HERC2: variants seen among roughly 807,000 people sequenced by gnomAD.
HERC2 encodes E3 ubiquitin-protein ligase HERC2.
Under a neutral mutation model 537.7 loss-of-function variants are expected in HERC2, and 102 were observed. The ratio of observed to expected loss-of-function variants is 0.19; its 90% CI spans 0.16 to 0.22. The LOEUF (loss-of-function observed/expected upper bound fraction) is 0.22, where lower values mean the gene tolerates loss of function less well. Among genes scored for constraint, HERC2 ranks in the 10% least tolerant of loss-of-function variants. The pLI is 1.00. For synonymous variants in HERC2, 2,224 were observed against 2,466.2 expected, an observed-to-expected ratio of 0.90 and a Z score of 2.91; for missense variants, 4,236 against 6,198.2, an observed-to-expected ratio of 0.68 and a Z score of 10.63.
At chr15:28,189,899 T>C (rs1334258471) in intron 55 of HERC2, among the ~76,000 whole-genome samples, 2 of 152,218 alleles carry the variant, frequency 1.3e-5, no homozygotes, top group Non-Finnish European at 2.9e-5. Context: ...GTTATAAACT[T>C]TAAATGAATA....
chr15:28,214,141 T>G lies in HERC2; in HGVS notation c.6490A>C (p.Asn2164His). 6.2e-7 allele frequency: 1 copy of G among 1,614,084 alleles called. No individual in the cohort carries two copies. Among genetic ancestry groups the G allele is most frequent in the South Asian group, 1.1e-5 (1 of 91,070 alleles). The change falls in exon 41 of 93, where the codon AAC (asparagine) becomes CAC (histidine). Residue 2164 changes from asparagine to histidine, a missense_variant. This residue lies in a region of HERC2 where 365 missense variants were observed against 468.8 expected (regional missense o/e 0.78). Coordinates refer to ENST00000261609, the MANE Select transcript of HERC2 (RefSeq NM_004667.6). ...HSLTQWNGLINKYINSQLRSI... is the reference protein window; with the variant it reads ...HSLTQWNGLIHKYINSQLRSI... ...CGGAGCTGGGAGTTGATGTACTTGT[T>G]GATGAGCCCATTCCACTGAGTCAGG...
chr15:28,319,845 C>A (rs1253237758), intron 2 of HERC2, among the ~76,000 whole-genome samples: 2 of 152,128 alleles, frequency 1.3e-5, no homozygotes, highest in African/African-American at 4.8e-5. Flanking sequence ...ACGTAAAGTC[C>A]TTTACTCCAA....
chr15:28,209,628 C>A (rs1444867243), intron 44 of HERC2, among the ~76,000 whole-genome samples: 3 of 152,206 alleles, frequency 2.0e-5, no homozygotes, highest in Admixed American at 2.0e-4. Context: ...CAGGCATGAG[C>A]CACCGCGCCA....
chr15:28,209,045 T>A (rs1898813598), intron 44 of HERC2, among the ~76,000 whole-genome samples: 1 of 152,110 alleles, frequency 6.6e-6, no homozygotes, highest in Non-Finnish European at 1.5e-5. Context: ...TATAGAGAAA[T>A]ATAAAGAAAT....
intron 1 of HERC2, 55 bp downstream of exon 1, chr15:28,322,020 G>T (rs1010495442): frequency 4.4e-5 from 4 of 89,954 alleles, no homozygotes; most frequent in African/African-American, 1.7e-4. Context: ...CCGCCCGCCA[G>T]CCCCGCGCCC....
intron 69 of HERC2, among the ~76,000 whole-genome samples, chr15:28,158,382 T>C (rs979124256): frequency 1.3e-5 from 2 of 152,222 alleles, no homozygotes; most frequent in African/African-American, 4.8e-5. Context: ...AGTCTCTTTG[T>C]GGGTCTCTAA....
intron 69 of HERC2, among the ~76,000 whole-genome samples, chr15:28,156,539 T>C (rs1040691369): frequency 6.6e-6 from 1 of 152,222 alleles, no homozygotes; most frequent in African/African-American, 2.4e-5. Context: ...ATTTCACTCA[T>C]TATTTTGCTG....
rs1566973701 is a variant in HERC2, at chr15:28,176,801, G to GC, written c.9433-34dup. 1 of 1,600,198 alleles carries GC rather than the reference G, an allele frequency of 6.2e-7. No homozygotes were observed. The highest frequency in any genetic ancestry group is 1.7e-5 in the Admixed American group (1 of 59,978). On this transcript the variant is annotated intron_variant, in intron 61 of 92. Coordinates refer to ENST00000261609, the MANE Select transcript of HERC2 (RefSeq NM_004667.6). This position sits in a 1 kb window ranked among gnomAD's most constrained non-coding sequence, Gnocchi z 5.0. ...ATTACAAATTTAAAAACAGAATCAC[G>GC]CACAGGCACGGAGAAAGCAATGGAT...
At chr15:28,239,316 G>T (rs1476897144) in intron 23 of HERC2, among the ~76,000 whole-genome samples, 9 of 151,990 alleles carry the variant, frequency 5.9e-5, no homozygotes, top group Admixed American at 3.3e-4. Flanking sequence ...AGCTAAAAAA[G>T]AAAAACACCA....
At chr15:28,279,652 A>ACACACACACACACACACAC (rs1174428481) in intron 5 of HERC2, among the ~76,000 whole-genome samples, 1 of 114,604 alleles carries the variant, frequency 8.7e-6, no homozygotes, top group African/African-American at 5.2e-5. Context: ...CACACACACA[A>ACACACACACACACACACAC]ATTGTTTTTA....
At position 28,181,441 on chromosome 15, in the gene HERC2, A is replaced by G. The variant is rs1895807961; in HGVS notation, c.8937+960T>C. On this transcript the variant is annotated intron_variant, in intron 57 of 92. Transcript: ENST00000261609. The stretch of plus-strand genomic sequence containing the variant: ...AAATGCAATTCAAGACTGCTCCAAT[A>G]CAGATAAAAACTAATTGCACCTTGA... 2.0e-5 allele frequency among the ~76,000 whole-genome samples: 3 copies of G among 152,238 alleles called. No individual in the cohort carries two copies. In the South Asian group the frequency reaches 6.2e-4, roughly 31 times the overall value.
chr15:28,130,389 A>G (rs1889982230), intron 82 of HERC2, 87 bp from the exon 83 acceptor site: 1 of 1,598,814 alleles, frequency 6.3e-7, no homozygotes, highest in African/African-American at 1.3e-5. Flanking sequence ...TCTGCTGTTC[A>G]GGACACAACC....
At chr15:28,274,486 CCTCA>C (rs1471586490) in intron 6 of HERC2, 39 bp from the exon 7 acceptor site, 1 of 1,557,466 alleles carries the variant, frequency 6.4e-7, no homozygotes, top group Non-Finnish European at 8.7e-7. Flanking sequence ...CCCCCACTCC[CCTCA>C]CTCTCCCGCT....
At chr15:28,233,366 A>C (rs755391868) in intron 29 of HERC2, 25 bp from the exon 30 acceptor site, 1 of 1,291,068 alleles carries the variant, frequency 7.7e-7, no homozygotes, top group Non-Finnish European at 1.1e-6. Flanking sequence ...AGGAAAAGAC[A>C]ACTTTAACAA....
rs140701444 is a variant in HERC2 at position 28,143,471 on chromosome 15, G to A, written c.11418+402C>T. Among the ~76,000 whole-genome samples, 595 of 151,780 alleles carry A rather than the reference G, an allele frequency of 3.9e-3. 6 individuals are homozygous for A. Among genetic ancestry groups the A allele is most frequent in the African/African-American group, 0.014 (565 of 41,384 alleles). On this transcript the variant is annotated intron_variant, in intron 74 of 92. Coordinates refer to ENST00000261609, the MANE Select transcript of HERC2 (RefSeq NM_004667.6). ...TTCATTTATTTATTTTTTTTGAGAT[G>A]GAGTCTCGCTCTGTCACCAGGCTGG... is the stretch of plus-strand genomic sequence containing the variant.
intron 20 of HERC2, among the ~76,000 whole-genome samples, chr15:28,250,308 C>T (rs144205240): frequency 0.021 from 3,175 of 152,162 alleles, 116 homozygotes; most frequent in African/African-American, 0.071. Flanking sequence ...AGGATGCGCC[C>T]TCACTGGGCT....
At chr15:28,312,837 T>C (rs2076983500) in intron 2 of HERC2, 11 of 844,926 alleles carry the variant, frequency 1.3e-5, no homozygotes, top group Non-Finnish European at 1.6e-5. Flanking sequence ...AGAACTCTTT[T>C]CCAATCTTTT....
At position 28,227,617 on chromosome 15, in the gene HERC2, C is replaced by T. The variant is rs369711858; in HGVS notation, c.5464+601G>A. On this transcript the variant is annotated intron_variant, in intron 35 of 92. Transcript: ENST00000261609. ...TCTCAGTAAGTTACACATAGTTGTA[C>T]CATATGACCCTGTAATTCCAGTCCT... Among the ~76,000 whole-genome samples the T allele has an allele frequency of 9.9e-5, 15 of 152,196 alleles. No individual in the cohort carries two copies. In the South Asian group the frequency reaches 2.5e-3, roughly 25 times the overall value.
chr15:28,119,735 T>G (rs1477588201), intron 86 of HERC2, among the ~76,000 whole-genome samples: 3 of 152,166 alleles, frequency 2.0e-5, no homozygotes, highest in Non-Finnish European at 4.4e-5. Context: ...ATTACAGGCA[T>G]GAGCCACCAC....
Sources: gnomAD v4.1 joint callset for allele counts (sites outside exome capture counted in the v4.1 genomes callset) on GRCh38, gnomAD v4.1.1 for gene constraint, gnomAD v4.1.1 regional missense constraint, Gnocchi (gnomAD v3.1) non-coding constraint, MANE v1.5 for transcripts, NCBI Gene and HGNC (gene_info 2026-07-23, HGNC 2026-07-21) for gene names.